C10orf67: variants seen among roughly 807,000 people sequenced by gnomAD.
C10orf67 encodes uncharacterized protein C10orf67, mitochondrial.
C10orf67 carries 60 observed loss-of-function variants against 35.6 expected under a neutral mutation model. The ratio of observed to expected loss-of-function variants is 1.68; its 90% CI spans 1.37 to 2.09. The LOEUF (loss-of-function observed/expected upper bound fraction) is 2.09, where lower values mean the gene tolerates loss of function less well. Among genes scored for constraint, C10orf67 ranks in the 30% most tolerant of loss-of-function variants. C10orf67 has a pLI of 0.00. For synonymous variants in C10orf67, 167 were observed against 115.8 expected, an observed-to-expected ratio of 1.44 and a Z score of -2.84; for missense variants, 474 against 330.2, an observed-to-expected ratio of 1.44 and a Z score of -3.38.
intron 12 of C10orf67, among the ~76,000 whole-genome samples, chr10:23,248,854 A>G (rs1010887778): frequency 1.3e-5 from 2 of 152,202 alleles, no homozygotes; most frequent in African/African-American, 4.8e-5. Flanking sequence ...TTTCCTAAAT[A>G]TTTAGATATC....
Position 23,211,478 on chromosome 10 carries a change from TG to T in C10orf67, c.1571-7224del, listed in dbSNP as rs200194805. Reference sequence around the variant, plus strand: ...GGCGGTGTGTGTGTGTGTGTGTGTGTGGGGGGGGGGGGTATCACAATTCAAC... The same window carrying T: ...GGCGGTGTGTGTGTGTGTGTGTGTGTGGGGGGGGGGGTATCACAATTCAAC... On this transcript the variant is annotated intron_variant, in intron 15 of 15. Coordinates refer to ENST00000636213, the MANE Select transcript of C10orf67 (RefSeq NM_001371909.1). Among the ~76,000 whole-genome samples, 27 of 147,566 alleles carry T rather than the reference TG, an allele frequency of 1.8e-4. 1 individual carries two copies. Among genetic ancestry groups the T allele is most frequent in the Admixed American group, 1.2e-3 (18 of 14,406 alleles).
intron 1 of C10orf67, chr10:23,344,152 G>A (rs1247439817): frequency 1.3e-5 from 2 of 148,216 alleles, no homozygotes; most frequent in East Asian, 3.8e-4. Flanking sequence ...GTGGAGGGGG[G>A]TGGGGAACGG....
At chr10:23,343,834 AG>A (rs1403815459) in intron 1 of C10orf67, 4 of 438,942 alleles carry the variant, frequency 9.1e-6, no homozygotes, top group Non-Finnish European at 1.9e-5. Context: ...GGGCCTGGAA[AG>A]GCGTTGAGCG....
chr10:23,225,996 T>C (rs1841730757), intron 13 of C10orf67, among the ~76,000 whole-genome samples: 1 of 151,700 alleles, frequency 6.6e-6, no homozygotes, highest in African/African-American at 2.4e-5. Flanking sequence ...AATGGGAGAC[T>C]TTAACACCCC....
intron 2 of C10orf67, 106 bp downstream of exon 2, chr10:23,332,956 T>C (rs1299781736): frequency 1.7e-6 from 2 of 1,168,446 alleles, no homozygotes; most frequent in Non-Finnish European, 2.4e-6. Flanking sequence ...TCAAAGATGC[T>C]AACATTTTAA....
At position 23,203,397 on chromosome 10, in the gene C10orf67, T is replaced by C. The variant is rs1039625747; in HGVS notation, c.*776A>G. The C allele has an allele frequency of 7.2e-5, 11 of 152,346 alleles. No homozygotes were observed. Among genetic ancestry groups the C allele is most frequent in the African/African-American group, 2.6e-4 (11 of 41,582 alleles). The allele number at this position is 152,346 out of a possible 1,614,324, so 9.4% of individuals were successfully genotyped here. A position where few individuals can be genotyped will look rare whatever the true frequency, so the allele number is the denominator to read the frequency against. ...CTTTATGTGACAACTACCACAAATA[T>C]ATTTCCTGAGACTTAATAAATAACT... is the stretch of plus-strand genomic sequence containing the variant. On this transcript the variant is annotated 3_prime_UTR_variant, in exon 16 of 16. Transcript: ENST00000636213.
At chr10:23,292,264 TAA>T (rs201970584) in intron 5 of C10orf67, among the ~76,000 whole-genome samples, 21 of 140,994 alleles carry the variant, frequency 1.5e-4, no homozygotes, top group African/African-American at 3.7e-4. Context: ...TGCCATGCAT[TAA>T]AAAAAAAAAA....
At chr10:23,208,947 C>A (rs1841232384) in intron 15 of C10orf67, among the ~76,000 whole-genome samples, 1 of 152,012 alleles carries the variant, frequency 6.6e-6, no homozygotes, top group Non-Finnish European at 1.5e-5. Flanking sequence ...ACCCCTGTCA[C>A]CCCAGCAGAC....
chr10:23,305,161 C>G (rs1844229543), intron 4 of C10orf67, among the ~76,000 whole-genome samples: 1 of 152,182 alleles, frequency 6.6e-6, no homozygotes, highest in Admixed American at 6.5e-5. Flanking sequence ...GCAAACATGA[C>G]ACTCTCAAGA....
At chr10:23,216,865 T>C (rs1564456897) in intron 15 of C10orf67, among the ~76,000 whole-genome samples, 2 of 152,164 alleles carry the variant, frequency 1.3e-5, no homozygotes, top group Admixed American at 6.5e-5. Flanking sequence ...AGGCAGTGGT[T>C]ACCTCTGGGG....
At chr10:23,224,923 GA>G (rs1423118281) in intron 13 of C10orf67, among the ~76,000 whole-genome samples, 2 of 152,134 alleles carry the variant, frequency 1.3e-5, no homozygotes, top group Non-Finnish European at 2.9e-5. Flanking sequence ...GGGGAGAATG[GA>G]AACAAGTTGG....
intron 15 of C10orf67, among the ~76,000 whole-genome samples, chr10:23,212,625 G>A (rs903490589): frequency 2.6e-5 from 4 of 152,132 alleles, no homozygotes; most frequent in Admixed American, 6.5e-5. Flanking sequence ...TCATGCAGAG[G>A]AACTGAGCTA....
intron 4 of C10orf67, among the ~76,000 whole-genome samples, chr10:23,315,559 C>T (rs1396433802): frequency 1.3e-5 from 2 of 152,058 alleles, no homozygotes; most frequent in African/African-American, 4.8e-5. Flanking sequence ...CCACCTCGGC[C>T]TTCCAAGTAG....
At chr10:23,270,790 C>T (rs1842997207) in intron 8 of C10orf67, among the ~76,000 whole-genome samples, 2 of 152,224 alleles carry the variant, frequency 1.3e-5, no homozygotes. Context: ...GGAGGAGTCT[C>T]CCACAATGCA....
intron 2 of C10orf67, among the ~76,000 whole-genome samples, chr10:23,329,812 A>AAGAAAG (rs1554817506): frequency 2.0e-5 from 3 of 148,506 alleles, no homozygotes; most frequent in African/African-American, 7.6e-5. Context: ...AAAAAAAAAA[A>AAGAAAG]AAAAGAAAAG....
At chr10:23,205,041 C>G (rs1305663543) in intron 15 of C10orf67, among the ~76,000 whole-genome samples, 7 of 152,186 alleles carry the variant, frequency 4.6e-5, no homozygotes, top group Admixed American at 3.9e-4. Context: ...GAGGGGAACA[C>G]AGAGGAGCCA....
intron 2 of C10orf67, among the ~76,000 whole-genome samples, chr10:23,323,812 T>C (rs2132348094): frequency 6.9e-6 from 1 of 144,032 alleles, no homozygotes; most frequent in South Asian, 2.3e-4. Flanking sequence ...CTTGGGAGCT[T>C]GAACCCGGGA....
intron 10 of C10orf67, among the ~76,000 whole-genome samples, chr10:23,263,367 A>T (rs966411071): frequency 3.9e-5 from 6 of 152,216 alleles, no homozygotes; most frequent in Non-Finnish European, 8.8e-5. Flanking sequence ...ATATACCTAT[A>T]GTAATAATTC....
At chr10:23,323,851 A>T (rs1845054788) in intron 2 of C10orf67, among the ~76,000 whole-genome samples, 1 of 131,262 alleles carries the variant, frequency 7.6e-6, no homozygotes, top group African/African-American at 2.8e-5. Flanking sequence ...CCAAGATCGC[A>T]CCACTGCACT....
Sources: allele counts gnomAD v4.1 joint callset (sites outside exome capture counted in the v4.1 genomes callset), GRCh38; gene constraint gnomAD v4.1.1; transcripts MANE v1.5; gene names NCBI Gene and HGNC (gene_info 2026-07-23, HGNC 2026-07-21).